Variants in SH3KBP1 observed in about 807,000 individuals in gnomAD.
SH3KBP1 encodes the protein SH3 domain-containing kinase-binding protein 1.
In SH3KBP1, 8 loss-of-function variants were observed where a neutral mutation model predicts 50.1. That is an observed-to-expected ratio of 0.16 (90% confidence interval 0.09 to 0.29). The LOEUF is 0.29. Ranked by LOEUF, SH3KBP1 falls within the 10% of genes least tolerant of loss-of-function variation. SH3KBP1 has a pLI of 1.00. For synonymous variants in SH3KBP1, 227 were observed against 218.6 expected, an observed-to-expected ratio of 1.04 and a Z score of -0.34; for missense variants, 377 against 535.2, an observed-to-expected ratio of 0.70 and a Z score of 2.92.
intron 2 of SH3KBP1, among the ~76,000 whole-genome samples, chrX:19,813,534 T>C (rs1360126857): frequency 8.9e-6 from 1 of 112,006 alleles, no homozygotes; most frequent in Non-Finnish European, 1.9e-5. Flanking sequence ...ATGTAATGCA[T>C]GATTATTAAC....
intron 11 of SH3KBP1, among the ~76,000 whole-genome samples, chrX:19,590,444 G>T (rs758694943): frequency 1.1e-4 from 12 of 111,449 alleles, no homozygotes; most frequent in Non-Finnish European, 2.3e-4. Context: ...TATAACAAGG[G>T]ATCATGGGAG....
chrX:19,700,544 T>C (rs994840554), intron 4 of SH3KBP1, among the ~76,000 whole-genome samples: 10 of 112,377 alleles, frequency 8.9e-5, no homozygotes, highest in African/African-American at 3.2e-4. Flanking sequence ...CTATCACCTT[T>C]GATTCATTTT....
chrX:19,585,260 G>A (rs182167178), intron 12 of SH3KBP1, among the ~76,000 whole-genome samples: 3 of 111,472 alleles, frequency 2.7e-5, no homozygotes, highest in African/African-American at 6.5e-5. Flanking sequence ...TGGGAAGGAC[G>A]ACAGGAGAGG....
intron 6 of SH3KBP1, among the ~76,000 whole-genome samples, chrX:19,668,062 G>A (rs760690599): frequency 4.5e-4 from 50 of 111,133 alleles, no homozygotes; most frequent in Admixed American, 1.5e-3. Flanking sequence ...TCTCTACAAC[G>A]GACAGAGACC....
intron 13 of SH3KBP1, among the ~76,000 whole-genome samples, chrX:19,564,339 G>A (rs776634422): frequency 8.9e-6 from 1 of 112,180 alleles, no homozygotes; most frequent in Non-Finnish European, 1.9e-5. Flanking sequence ...TTGCTCTCCT[G>A]TATAACTTTA....
chrX:19,829,514 C>T (rs779963562), intron 2 of SH3KBP1, among the ~76,000 whole-genome samples: 1 of 108,134 alleles, frequency 9.2e-6, no homozygotes, highest in Non-Finnish European at 1.9e-5. Flanking sequence ...TTTGGGAGGC[C>T]GAGGCAGGCG....
At chrX:19,886,192 G>T (rs1482283938) in intron 1 of SH3KBP1, among the ~76,000 whole-genome samples, 1 of 112,189 alleles carries the variant, frequency 8.9e-6, no homozygotes, top group Non-Finnish European at 1.9e-5. Context: ...TTTTAACTTT[G>T]CCTGTCAACA....
intron 2 of SH3KBP1, among the ~76,000 whole-genome samples, chrX:19,782,854 C>G (rs927808686): frequency 1.8e-5 from 2 of 111,610 alleles, no homozygotes; most frequent in South Asian, 3.7e-4. Flanking sequence ...TGCCTGTAAT[C>G]CCAGCACTTC....
chrX:19,856,481 G>A (rs951405424), intron 1 of SH3KBP1, among the ~76,000 whole-genome samples: 2 of 111,541 alleles, frequency 1.8e-5, no homozygotes, highest in African/African-American at 6.5e-5. Flanking sequence ...GACCTTTAAG[G>A]CCGATAACAT....
chrX:19,876,350 G>A (rs1417102426), intron 1 of SH3KBP1, among the ~76,000 whole-genome samples: 1 of 111,572 alleles, frequency 9.0e-6, no homozygotes, highest in Non-Finnish European at 1.9e-5. Flanking sequence ...AACAGAGTGA[G>A]ACTCTGTCAA....
intron 2 of SH3KBP1, among the ~76,000 whole-genome samples, chrX:19,760,045 T>TCC (rs1265367836): frequency 6.7e-4 from 43 of 64,317 alleles, no homozygotes; most frequent in African/African-American, 2.4e-3. Flanking sequence ...TCTCTCCCTC[T>TCC]CTCTCTCTCT....
At chrX:19,764,085 C>T (rs1452166069) in intron 2 of SH3KBP1, among the ~76,000 whole-genome samples, 1 of 105,195 alleles carries the variant, frequency 9.5e-6, no homozygotes, top group East Asian at 2.9e-4. Flanking sequence ...AGTTAATGCA[C>T]ATTATTAGAA....
At chrX:19,857,723 A>C (rs183696310) in intron 1 of SH3KBP1, among the ~76,000 whole-genome samples, 9 of 111,252 alleles carry the variant, frequency 8.1e-5, no homozygotes, top group Admixed American at 7.6e-4. Context: ...TTCTGTTAAA[A>C]AAACAAACAA....
At chrX:19,623,266 A>G (rs978203339) in intron 8 of SH3KBP1, among the ~76,000 whole-genome samples, 3 of 111,872 alleles carry the variant, frequency 2.7e-5, no homozygotes, top group African/African-American at 9.8e-5. Context: ...TTGCGAAAAT[A>G]TTAAGAGGTA....
At chrX:19,625,992 C>T (rs2068006487) in intron 8 of SH3KBP1, among the ~76,000 whole-genome samples, 1 of 111,557 alleles carries the variant, frequency 9.0e-6, no homozygotes, top group Non-Finnish European at 1.9e-5. Flanking sequence ...AGAGAACACG[C>T]ATGGTCCCAC....
chrX:19,636,568 A>T (rs1205630900), intron 7 of SH3KBP1, among the ~76,000 whole-genome samples: 2 of 111,863 alleles, frequency 1.8e-5, no homozygotes, highest in East Asian at 5.5e-4. Context: ...TTCAATCTCT[A>T]AACTTTTAGA....
intron 2 of SH3KBP1, among the ~76,000 whole-genome samples, chrX:19,817,883 C>T (rs2067405780): frequency 8.9e-6 from 1 of 112,071 alleles, no homozygotes; most frequent in African/African-American, 3.2e-5. Context: ...GATCCACCCA[C>T]CTTGGCCTCC....
chrX:19,603,475 A>T (rs925143316), intron 9 of SH3KBP1, among the ~76,000 whole-genome samples: 1 of 111,989 alleles, frequency 8.9e-6, no homozygotes, highest in Non-Finnish European at 1.9e-5. Flanking sequence ...AGCCTGCATC[A>T]TACTCACAGG....
At chrX:19,579,966 A>G (rs2066317915) in intron 12 of SH3KBP1, among the ~76,000 whole-genome samples, 1 of 111,891 alleles carries the variant, frequency 8.9e-6, no homozygotes, top group Admixed American at 9.4e-5. Flanking sequence ...TTGCCAGGCA[A>G]TGAGCTAGGC....
Sources: allele counts gnomAD v4.1 joint callset (sites outside exome capture counted in the v4.1 genomes callset), GRCh38; gene constraint gnomAD v4.1.1; transcripts MANE v1.5; gene names NCBI Gene and HGNC (gene_info 2026-07-23, HGNC 2026-07-21).